Variants in ADD2 observed in about 807,000 individuals in gnomAD.
ADD2 encodes adducin 2.
In ADD2, 23 loss-of-function variants were observed where a neutral mutation model predicts 83.0. That is an observed-to-expected ratio of 0.28 (90% CI 0.20 to 0.39). The LOEUF (loss-of-function observed/expected upper bound fraction) is 0.39. Among genes scored for constraint, ADD2 ranks in the 10% least tolerant of loss-of-function variants. ADD2 has a pLI of 1.00. For synonymous variants in ADD2, 375 were observed against 375.4 expected (o/e 1.00, Z 0.01); for missense variants, 758 against 944.9 (o/e 0.80, Z 2.59).
At chr2:70,705,977 G>T (rs1016805699) in intron 3 of ADD2, among the ~76,000 whole-genome samples, 1 of 152,168 alleles carries the variant, frequency 6.6e-6, no homozygotes, top group Non-Finnish European at 1.5e-5. Flanking sequence ...AACTGAGGGG[G>T]ACTCCTGTCT....
At chr2:70,718,985 C>G (rs980671495) in intron 1 of ADD2, among the ~76,000 whole-genome samples, 52 of 152,334 alleles carry the variant, frequency 3.4e-4, no homozygotes, top group Admixed American at 2.7e-3. Context: ...CTTCCTATTT[C>G]TGGCATGCGG....
rs529767795 is a variant in ADD2, at chr2:70,693,102, C to T, written c.556-550G>A. Among the ~76,000 whole-genome samples, 40 of 152,240 alleles carry T rather than the reference C, an allele frequency of 2.6e-4. No homozygotes were observed. The South Asian group carries it at 7.7e-3, about 29-fold the overall frequency. On this transcript the variant is annotated intron_variant, in intron 6 of 15. Coordinates refer to ENST00000264436, the MANE Select transcript of ADD2 (RefSeq NM_001617.4). The stretch of plus-strand genomic sequence containing the variant: ...ACCAGTGACAGCTCTAGCCTCACTC[C>T]GTGCCCCTACTCCCCTGCCTCCTGG...
chr2:70,713,127 A>G lies in ADD2; in HGVS notation c.-96T>C, dbSNP rs1672284103. On this transcript the variant is annotated 5_prime_UTR_variant, in exon 2 of 16. Coordinates refer to ENST00000264436, the MANE Select transcript of ADD2 (RefSeq NM_001617.4). ...GTTCACTGCTCAGTCTGCACCCCCT[A>G]GCTCCACTCTCAAGGGTGCCGGCCA... 1 of 985,036 alleles carries G rather than the reference A, an allele frequency of 1.0e-6. No individual in the cohort carries two copies. Among genetic ancestry groups the G allele is most frequent in the African/African-American group, 1.8e-5 (1 of 57,142 alleles). The allele number at this position is 985,036 out of a possible 1,614,324, so 61.0% of individuals were successfully genotyped here.
chr2:70,753,892 G>A (rs1052830665), intron 1 of ADD2, among the ~76,000 whole-genome samples: 3 of 152,112 alleles, frequency 2.0e-5, no homozygotes, highest in Admixed American at 2.0e-4. Flanking sequence ...ACAAGAAAGT[G>A]CATCTTCTCC....
Position 70,678,756 on chromosome 2 carries a change from T to A in ADD2, c.1331A>T (p.Asn444Ile). Residue 444 changes from asparagine to isoleucine, a missense_variant, in exon 11 of 16, where the codon AAT (asparagine) becomes ATT (isoleucine). This residue lies in a region of ADD2 where 394 missense variants were observed against 509.3 expected (regional missense o/e 0.77). Transcript: ENST00000264436. ...GCTCCTCTGGACCTCATCGGCCACATTGACCCGCAGGTAGGTGTTGGGCGT... is the reference window on the plus strand; with the variant it reads ...GCTCCTCTGGACCTCATCGGCCACAATGACCCGCAGGTAGGTGTTGGGCGT... ...LNTPNTYLRV[N>I]VADEVQRSMG... 1.2e-6 allele frequency: 2 copies of A among 1,607,788 alleles called. No individual in the cohort carries two copies. The highest frequency in any genetic ancestry group is 1.7e-4 in the Middle Eastern group (1 of 6,038).
At chr2:70,760,327 C>T (rs1276777725) in intron 1 of ADD2, among the ~76,000 whole-genome samples, 13 of 152,308 alleles carry the variant, frequency 8.5e-5, no homozygotes, top group African/African-American at 2.6e-4. Flanking sequence ...TTGTCTAAAA[C>T]TGACCACTGT....
Position 70,663,196 on chromosome 2 carries a change from G to C in ADD2, c.*229C>G. 5.7e-6 allele frequency: 3 copies of C among 529,150 alleles called. No homozygotes were observed. Among genetic ancestry groups the C allele is most frequent in the Non-Finnish European group, 1.0e-5 (3 of 296,518 alleles). 32.8% of individuals were successfully genotyped at this position (529,150 alleles called of 1,614,324 possible). A position where few individuals can be genotyped will look rare whatever the true frequency, so the allele number is the denominator to read the frequency against. On this transcript the variant is annotated 3_prime_UTR_variant, in exon 16 of 16. Transcript: ENST00000264436. ...ACTGGAAGTCAGGAGACCTGAATTC[G>C]AGTGCAGGCTCTGCCGCTAACTAGC...
intron 1 of ADD2, among the ~76,000 whole-genome samples, chr2:70,764,252 T>C (rs1309586932): frequency 6.6e-6 from 1 of 151,906 alleles, no homozygotes; most frequent in East Asian, 1.9e-4. Context: ...TAAATGAAGA[T>C]CTAATTCAAA....
At chr2:70,724,511 A>T (rs1180883397) in intron 1 of ADD2, among the ~76,000 whole-genome samples, 2 of 152,034 alleles carry the variant, frequency 1.3e-5, no homozygotes, top group African/African-American at 2.4e-5. Flanking sequence ...CACACTATGC[A>T]CGTGGGTTTC....
chr2:70,664,917 C>T (rs1675709370), intron 15 of ADD2, among the ~76,000 whole-genome samples: 2 of 151,738 alleles, frequency 1.3e-5, no homozygotes, highest in South Asian at 4.2e-4. Context: ...TGGGAGTGAG[C>T]GTTTACAAAT....
In ADD2 at chr2:70,727,264, C is replaced by T. The variant is rs981069088; in HGVS notation, c.-153-14080G>A. 6.6e-5 allele frequency among the ~76,000 whole-genome samples: 10 copies of T among 152,230 alleles called. No individual in the cohort carries two copies. The East Asian group carries it at 7.8e-4, about 12-fold the overall frequency. ...AATCATCTCCCACTCTTACATGAAA[C>T]GCTTACTCCAGACAAAGCCCATACC... On this transcript the variant is annotated intron_variant, in intron 1 of 15. Transcript: ENST00000264436.
chr2:70,724,254 C>T (rs1311212597), intron 1 of ADD2, among the ~76,000 whole-genome samples: 3 of 152,248 alleles, frequency 2.0e-5, no homozygotes, highest in Non-Finnish European at 4.4e-5. Flanking sequence ...GGACCCACCC[C>T]GTGCTGTGGA....
chr2:70,717,429 C>T (rs957721912), intron 1 of ADD2, among the ~76,000 whole-genome samples: 1 of 152,162 alleles, frequency 6.6e-6, no homozygotes. Flanking sequence ...CAGAGGCAGG[C>T]GCCATCTCCT....
intron 1 of ADD2, among the ~76,000 whole-genome samples, chr2:70,739,374 C>A (rs149099463): frequency 8.5e-5 from 13 of 152,168 alleles, no homozygotes; most frequent in African/African-American, 2.9e-4. Flanking sequence ...ATTAAAAAGT[C>A]AAAAATTACA....
intron 6 of ADD2, among the ~76,000 whole-genome samples, chr2:70,694,840 T>C (rs1444683940): frequency 1.3e-5 from 2 of 152,006 alleles, no homozygotes; most frequent in Non-Finnish European, 2.9e-5. Flanking sequence ...TGAGCTTTCA[T>C]AGCTGATTAC....
chr2:70,748,427 T>C (rs1395204317), intron 1 of ADD2, among the ~76,000 whole-genome samples: 3 of 152,170 alleles, frequency 2.0e-5, no homozygotes, highest in African/African-American at 4.8e-5. Context: ...TTGTGTGGCC[T>C]CTCTGACCAC....
chr2:70,696,504 C>T (rs1262965902), intron 4 of ADD2, 108 bp from the exon 5 acceptor site: 2 of 1,431,264 alleles, frequency 1.4e-6, no homozygotes, highest in Admixed American at 4.0e-5. Flanking sequence ...CAGGAGACTT[C>T]CCCAGGCAGG....
At chr2:70,755,606 C>T (rs6546625) in intron 1 of ADD2, among the ~76,000 whole-genome samples, 1 of 151,912 alleles carries the variant, frequency 6.6e-6, no homozygotes, top group African/African-American at 2.4e-5. Flanking sequence ...CTGGGTTGAA[C>T]GATACACTTA....
At chr2:70,735,623 T>C (rs2160401) in intron 1 of ADD2, among the ~76,000 whole-genome samples, 40,284 of 151,628 alleles carry the variant, frequency 0.27, 5,905 homozygotes, top group East Asian at 0.57. Context: ...ATTGTGCAAA[T>C]GTAAAACCTC....
Sources: gnomAD v4.1 joint callset for allele counts (sites outside exome capture counted in the v4.1 genomes callset) on GRCh38, gnomAD v4.1.1 for gene constraint, gnomAD v4.1.1 regional missense constraint, MANE v1.5 for transcripts, NCBI Gene and HGNC (gene_info 2026-07-23, HGNC 2026-07-21) for gene names.